ZNF462: variants seen among roughly 807,000 people sequenced by gnomAD.
The protein encoded by ZNF462 is zinc finger protein 462, also known as zinc finger PBX1-interacting protein.
In ZNF462, 10 loss-of-function variants were observed where a neutral mutation model predicts 201.9. The observed-to-expected ratio is 0.05, with a 90% confidence interval of 0.03 to 0.08. The LOEUF (loss-of-function observed/expected upper bound fraction) is 0.08. ZNF462 is among the 10% of genes least tolerant of loss of function. The probability of loss-of-function intolerance (pLI) is 1.00; values close to 1 mark genes in which losing one functional copy is unlikely to be tolerated. For synonymous variants in ZNF462, 1,227 were observed against 1,193.3 expected (o/e 1.03, Z -0.58); for missense variants, 2,523 against 3,168.3 (o/e 0.80, Z 4.89).
chr9:106,926,405 T>G lies in ZNF462; in HGVS notation c.2493T>G (p.Ser831Arg). The G allele has an allele frequency of 1.2e-6, 2 of 1,614,118 alleles. No individual in the cohort carries two copies. Among genetic ancestry groups the G allele is most frequent in the Non-Finnish European group, 1.7e-6 (2 of 1,180,024 alleles). Residue 831 changes from serine to arginine, a missense_variant, in exon 3 of 13, where the codon AGT becomes AGG. Coordinates refer to ENST00000277225, the MANE Select transcript of ZNF462 (RefSeq NM_021224.6). This position sits in a 1 kb window ranked among gnomAD's most constrained non-coding sequence, Gnocchi z 7.9. ...CCATCTATGGGACTGAGCACAATAGTGAAAACACAGACTTTGGTGACTCTG... is the reference window on the plus strand; with the variant it reads ...CCATCTATGGGACTGAGCACAATAGGGAAAACACAGACTTTGGTGACTCTG... ...QTPIYGTEHN[S>R]ENTDFGDSGR... is the part of the protein sequence containing the mutation.
intron 7 of ZNF462, among the ~76,000 whole-genome samples, chr9:106,945,064 A>C (rs1389754539): frequency 6.6e-6 from 1 of 152,184 alleles, no homozygotes; most frequent in Non-Finnish European, 1.5e-5. Flanking sequence ...TGGGGGGAAT[A>C]ATTACAGCAA....
In ZNF462 at chr9:107,013,586, A is replaced by G. The variant is rs536662565; in HGVS notation, c.*2556A>G. 143 of 152,342 alleles carry G rather than the reference A, an allele frequency of 9.4e-4. No homozygotes were observed. Among genetic ancestry groups the G allele is most frequent in the Middle Eastern group, 3.4e-3 (1 of 294 alleles). The allele number at this position is 152,342 out of a possible 1,614,324, so 9.4% of individuals were successfully genotyped here. On this transcript the variant is annotated 3_prime_UTR_variant, in exon 13 of 13. Coordinates refer to ENST00000277225, the MANE Select transcript of ZNF462 (RefSeq NM_021224.6). ...GTTATTCAAGTTGTTTGCAACATACATTTTGTAATGAAATGTGAGAAATTA... is the reference window on the plus strand; with the variant it reads ...GTTATTCAAGTTGTTTGCAACATACGTTTTGTAATGAAATGTGAGAAATTA...
At position 106,930,685 on chromosome 9, in the gene ZNF462, T is replaced by C. The variant is rs753290091; in HGVS notation, c.6008T>C (p.Val2003Ala). ...AATGTCCCAGCTGTGTCAGCTGCTG[T>C]GAAGGTGAGAACTGGAAGGTCTGGA... is the stretch of plus-strand genomic sequence containing the variant. ...YGNVPAVSAA[V>A]KGLRSHERSH... The change falls in exon 4 of 13, where the codon GTG becomes GCG. Residue 2003 changes from valine to alanine, a missense_variant. Physicochemically the swap from Val to Ala is moderately conservative, Grantham distance 64. Around this residue, in one of 15 missense-constraint regions of ZNF462, gnomAD observed 107 missense variants for 187.7 expected, o/e 0.57. Coordinates refer to ENST00000277225, the MANE Select transcript of ZNF462 (RefSeq NM_021224.6). The surrounding 1 kb of genome is among the most constrained non-coding windows in gnomAD (Gnocchi z 5.8). 1 of 1,614,070 alleles carries C rather than the reference T, an allele frequency of 6.2e-7. No individual in the cohort carries two copies. Among genetic ancestry groups the C allele is most frequent in the Admixed American group, 1.7e-5 (1 of 60,026 alleles).
intron 10 of ZNF462, among the ~76,000 whole-genome samples, chr9:107,000,090 G>A (rs545450588): frequency 4.9e-4 from 75 of 152,140 alleles, no homozygotes; most frequent in African/African-American, 1.6e-3. Context: ...AGGGCTAGGA[G>A]ATTAAGGACT....
At chr9:106,864,042 CTCTCTCTCT>C (rs1827182721) in intron 1 of ZNF462, among the ~76,000 whole-genome samples, 3 of 19,022 alleles carry the variant, frequency 1.6e-4, no homozygotes, top group African/African-American at 9.7e-4. Flanking sequence ...GTATTTGGCT[CTCTCTCTCT>C]CTCTCTCTCT....
Position 106,984,952 on chromosome 9 carries a change from A to G in ZNF462, c.7056+543A>G, listed in dbSNP as rs1827722446. ...TGGCGAAACCCCATCTCTACAAAAA[A>G]TACAAAAGATTAGCCAGGCATGGTG... On this transcript the variant is annotated intron_variant, in intron 10 of 12. Coordinates refer to ENST00000277225, the MANE Select transcript of ZNF462 (RefSeq NM_021224.6). This position sits in a 1 kb window ranked among gnomAD's most constrained non-coding sequence, Gnocchi z 6.4. 2.6e-5 allele frequency among the ~76,000 whole-genome samples: 4 copies of G among 152,162 alleles called. No homozygotes were observed. Among genetic ancestry groups the G allele is most frequent in the Non-Finnish European group, 5.9e-5 (4 of 68,026 alleles).
intron 7 of ZNF462, among the ~76,000 whole-genome samples, chr9:106,971,783 A>C (rs1358168530): frequency 6.6e-6 from 1 of 152,206 alleles, no homozygotes; most frequent in African/African-American, 2.4e-5. Context: ...GGTAACTGTG[A>C]GGTGATGGAT....
Position 106,924,077 on chromosome 9 carries a change from G to T in ZNF462, c.221-56G>T. 3 of 1,409,758 alleles carry T rather than the reference G, an allele frequency of 2.1e-6. No individual in the cohort carries two copies. Among genetic ancestry groups the T allele is most frequent in the South Asian group, 2.7e-5 (2 of 73,204 alleles). 87.3% of individuals were successfully genotyped at this position (1,409,758 alleles called of 1,614,324 possible). ...TAATTGGAATGGTACTGATTTGCAT[G>T]ATTGGATATTTTAATTATCTTTTGC... On this transcript the variant is annotated intron_variant, in intron 2 of 12. Transcript: ENST00000277225. This position sits in a 1 kb window ranked among gnomAD's most constrained non-coding sequence, Gnocchi z 6.2.
At position 106,935,688 on chromosome 9, in the gene ZNF462, A is replaced by G. The variant is rs981098547; in HGVS notation, c.6235+67A>G. 1 of 1,224,842 alleles carries G rather than the reference A, an allele frequency of 8.2e-7. No individual in the cohort carries two copies. The highest frequency in any genetic ancestry group is 1.2e-6 in the Non-Finnish European group (1 of 831,768). The allele number at this position is 1,224,842 out of a possible 1,614,324, so 75.9% of individuals were successfully genotyped here. On this transcript the variant is annotated intron_variant, in intron 6 of 12. Coordinates refer to ENST00000277225, the MANE Select transcript of ZNF462 (RefSeq NM_021224.6). This position sits in a 1 kb window ranked among gnomAD's most constrained non-coding sequence, Gnocchi z 4.1. Reference sequence around the variant, plus strand: ...CTGAGTTTGAAACCTGATGATCTTTATTGAGTGAAATACTGTCCTGCCTTA... The same window carrying G: ...CTGAGTTTGAAACCTGATGATCTTTGTTGAGTGAAATACTGTCCTGCCTTA...
chr9:107,008,968 A>T lies in ZNF462; in HGVS notation c.7190-577A>T, dbSNP rs531433136. Among the ~76,000 whole-genome samples the T allele has an allele frequency of 5.1e-4, 77 of 152,254 alleles. No individual in the cohort carries two copies. The South Asian group carries it at 0.013, about 26-fold the overall frequency. ...TTCATGGTAGATTCTTCGCTTGCAG[A>T]TCTCATTCAGTGCACATAACCGCCC... On this transcript the variant is annotated intron_variant, in intron 11 of 12. Transcript: ENST00000277225. This position sits in a 1 kb window ranked among gnomAD's most constrained non-coding sequence, Gnocchi z 4.8.
chr9:106,927,296 A>T lies in ZNF462; in HGVS notation c.3384A>T (p.Gly1128=). Residue 1128 remains glycine (G), a synonymous_variant, in exon 3 of 13, where the codon GGA becomes GGT. Coordinates refer to ENST00000277225, the MANE Select transcript of ZNF462 (RefSeq NM_021224.6). ...CCTACAGCAATCGGTCAGTTGTGGG[A>T]GTGCTTGTCCACTACCAGAAAAGAC... The part of the protein sequence containing the change: ...HCSYSNRSVV[G]VLVHYQKRHP... 6.6e-7 allele frequency: 1 copy of T among 1,508,472 alleles called. No homozygotes were observed. Among genetic ancestry groups the T allele is most frequent in the Non-Finnish European group, 8.9e-7 (1 of 1,120,260 alleles). 93.4% of individuals were successfully genotyped at this position (1,508,472 alleles called of 1,614,324 possible).
intron 1 of ZNF462, among the ~76,000 whole-genome samples, chr9:106,900,815 T>C (rs1829034388): frequency 6.6e-6 from 1 of 152,152 alleles, no homozygotes; most frequent in Non-Finnish European, 1.5e-5. Context: ...TTGTGGATGA[T>C]TTTTCTCCTA....
At chr9:106,901,189 T>C (rs529039426) in intron 1 of ZNF462, among the ~76,000 whole-genome samples, 1 of 152,256 alleles carries the variant, frequency 6.6e-6, no homozygotes, top group South Asian at 2.1e-4. Context: ...TTCCCCACTT[T>C]ATGTTTTTGT....
At position 106,935,200 on chromosome 9, in the gene ZNF462, C is replaced by G. The variant is rs935484458; in HGVS notation, c.6117-303C>G. Among the ~76,000 whole-genome samples, 1 of 152,128 alleles carries G rather than the reference C, an allele frequency of 6.6e-6. No homozygotes were observed. Among genetic ancestry groups the G allele is most frequent in the African/African-American group, 2.4e-5 (1 of 41,440 alleles). ...CCATATTGTACCTTCTCTTTAGATA[C>G]ACTCTTCCAATGATCAGAGCTCTAA... On this transcript the variant is annotated intron_variant, in intron 5 of 12. Coordinates refer to ENST00000277225, the MANE Select transcript of ZNF462 (RefSeq NM_021224.6). This position sits in a 1 kb window ranked among gnomAD's most constrained non-coding sequence, Gnocchi z 4.1.
In ZNF462 at chr9:106,970,253, CT is replaced by C; in HGVS notation, c.6428-1748del. Among the ~76,000 whole-genome samples the C allele has an allele frequency of 6.6e-6, 1 of 152,148 alleles. No individual in the cohort carries two copies. Among genetic ancestry groups the C allele is most frequent in the East Asian group, 1.9e-4 (1 of 5,176 alleles). On this transcript the variant is annotated intron_variant, in intron 7 of 12. Coordinates refer to ENST00000277225, the MANE Select transcript of ZNF462 (RefSeq NM_021224.6). This position sits in a 1 kb window ranked among gnomAD's most constrained non-coding sequence, Gnocchi z 4.2. ...GGCTTGGAGACATTGTTCAGGTTTC[CT>C]TTTGTTTTATTTTTGTGTGTGTGGC...
chr9:106,943,501 T>G (rs1320712760), intron 7 of ZNF462, among the ~76,000 whole-genome samples: 1 of 152,150 alleles, frequency 6.6e-6, no homozygotes, highest in Non-Finnish European at 1.5e-5. Flanking sequence ...CCCTAAGCAT[T>G]TAATGTCTTC....
At position 106,925,797 on chromosome 9, in the gene ZNF462, T is replaced by C. The variant is rs1379314321; in HGVS notation, c.1885T>C (p.Leu629=). 6.2e-7 allele frequency: 1 copy of C among 1,614,192 alleles called. No individual in the cohort carries two copies. Among genetic ancestry groups the C allele is most frequent in the South Asian group, 1.1e-5 (1 of 91,084 alleles). The change falls in exon 3 of 13, where the codon TTG becomes CTG. Residue 629 remains leucine, a synonymous_variant. Coordinates refer to ENST00000277225, the MANE Select transcript of ZNF462 (RefSeq NM_021224.6). This position sits in a 1 kb window ranked among gnomAD's most constrained non-coding sequence, Gnocchi z 7.9. ...GCATAAACATTCATTCTGTGACAAC[T>C]TGCCAAAATTCGAGGGGCAGCCCTC... The part of the protein sequence containing the change: ...QQHKHSFCDN[L]PKFEGQPSSL...
intron 10 of ZNF462, among the ~76,000 whole-genome samples, chr9:107,002,657 G>A (rs766192697): frequency 3.0e-4 from 46 of 152,180 alleles, no homozygotes; most frequent in African/African-American, 1.1e-3. Context: ...GCTTTTAGGG[G>A]TTAGTCATCT....
chr9:106,924,809 C>T lies in ZNF462; in HGVS notation c.897C>T (p.Asn299=). The T allele has an allele frequency of 6.2e-7, 1 of 1,614,220 alleles. No homozygotes were observed. The highest frequency in any genetic ancestry group is 8.5e-7 in the Non-Finnish European group (1 of 1,180,042). ...AGAGTGCCCCCAGCCCCACTTCCAA[C>T]TCCACCTATCTGACCATGAATGCTG... ...PNKSAPSPTS[N]STYLTMNAAS... The change falls in exon 3 of 13, where the codon AAC becomes AAT. Residue 299 remains asparagine, a synonymous_variant. Coordinates refer to ENST00000277225, the MANE Select transcript of ZNF462 (RefSeq NM_021224.6). This position sits in a 1 kb window ranked among gnomAD's most constrained non-coding sequence, Gnocchi z 6.2.
Sources: gnomAD v4.1 joint callset for allele counts (sites outside exome capture counted in the v4.1 genomes callset) on GRCh38, gnomAD v4.1.1 for gene constraint, gnomAD v4.1.1 regional missense constraint, Gnocchi (gnomAD v3.1) non-coding constraint, MANE v1.5 for transcripts, NCBI Gene and HGNC (gene_info 2026-07-23, HGNC 2026-07-21) for gene names.